The following ADGRL3 variants were observed in gnomAD, a reference collection of about 807,000 sequenced individuals.
ADGRL3 encodes the protein adhesion G protein-coupled receptor L3.
In ADGRL3, 62 loss-of-function variants were observed where a neutral mutation model predicts 153.5. The observed-to-expected ratio is 0.40, with a 90% confidence interval of 0.33 to 0.50. The LOEUF is 0.50. ADGRL3 is among the 20% of genes least tolerant of loss of function. The probability of loss-of-function intolerance (pLI) is 0.47; values close to 1 mark genes in which losing one functional copy is unlikely to be tolerated. For synonymous variants in ADGRL3, 710 were observed against 672.5 expected, an observed-to-expected ratio of 1.06 and a Z score of -0.86; for missense variants, 1,641 against 1,859.4, an observed-to-expected ratio of 0.88 and a Z score of 2.16.
chr4:61,631,709 T>A (rs572227757), intron 5 of ADGRL3, among the ~76,000 whole-genome samples: 7 of 152,344 alleles, frequency 4.6e-5, no homozygotes, highest in Admixed American at 4.6e-4. Flanking sequence ...AAAATGAGTT[T>A]AATTAAAATC....
intron 6 of ADGRL3, among the ~76,000 whole-genome samples, chr4:61,698,807 G>A (rs1300836410): frequency 6.6e-6 from 1 of 152,104 alleles, no homozygotes; most frequent in Non-Finnish European, 1.5e-5. Flanking sequence ...TAGGCTTCCC[G>A]AAAATCCACT....
At chr4:61,935,604 A>G (rs2098835164) in intron 14 of ADGRL3, among the ~76,000 whole-genome samples, 1 of 152,252 alleles carries the variant, frequency 6.6e-6, no homozygotes, top group Admixed American at 6.5e-5. Context: ...TAGATTATCA[A>G]AGGATTTTTA....
At chr4:61,491,983 G>A (rs900657947) in intron 2 of ADGRL3, among the ~76,000 whole-genome samples, 7 of 151,428 alleles carry the variant, frequency 4.6e-5, no homozygotes, top group Non-Finnish European at 4.4e-5. Context: ...TAAGTTGTAA[G>A]GTCATAGCTA....
At chr4:61,358,955 T>TA (rs2096240059) in intron 1 of ADGRL3, among the ~76,000 whole-genome samples, 2 of 152,196 alleles carry the variant, frequency 1.3e-5, no homozygotes, top group Non-Finnish European at 2.9e-5. Flanking sequence ...CCCATCCAAC[T>TA]AATATGTCCA....
intron 1 of ADGRL3, among the ~76,000 whole-genome samples, chr4:61,379,120 T>C (rs889874883): frequency 3.9e-5 from 6 of 152,008 alleles, no homozygotes; most frequent in Admixed American, 1.3e-4. Context: ...CACAAGATGA[T>C]GCTTATCAAT....
intron 8 of ADGRL3, among the ~76,000 whole-genome samples, chr4:61,758,580 T>C (rs138892356): frequency 0.087 from 13,247 of 152,196 alleles, 1,228 homozygotes; most frequent in African/African-American, 0.23. Flanking sequence ...TGTCTCTGCA[T>C]AAGAGATGGG....
chr4:62,037,112 T>C (rs1725456603), intron 23 of ADGRL3, among the ~76,000 whole-genome samples: 1 of 152,174 alleles, frequency 6.6e-6, no homozygotes. Context: ...ATCTTTTGAA[T>C]TTTTGTTCTC....
chr4:61,389,499 C>G (rs1370103730), intron 2 of ADGRL3, among the ~76,000 whole-genome samples: 1 of 152,038 alleles, frequency 6.6e-6, no homozygotes, highest in African/African-American at 2.4e-5. Context: ...ATATCCAGAG[C>G]CAGATGTTAA....
At chr4:61,878,457 G>T (rs1253573186) in intron 9 of ADGRL3, among the ~76,000 whole-genome samples, 1 of 152,182 alleles carries the variant, frequency 6.6e-6, no homozygotes, top group Non-Finnish European at 1.5e-5. Flanking sequence ...GTCATTGAGG[G>T]AAGCTGGACT....
At chr4:61,453,668 T>C (rs1307519025) in intron 2 of ADGRL3, among the ~76,000 whole-genome samples, 1 of 152,286 alleles carries the variant, frequency 6.6e-6, no homozygotes, top group East Asian at 1.9e-4. Flanking sequence ...ATTTATACTT[T>C]ATAAATCCAT....
At chr4:61,326,099 T>C (rs956231442) in intron 1 of ADGRL3, among the ~76,000 whole-genome samples, 16 of 152,116 alleles carry the variant, frequency 1.1e-4, no homozygotes, top group Non-Finnish European at 1.0e-4. Flanking sequence ...ATCTGACCTC[T>C]TGGATTTTAT....
chr4:61,507,605 A>C (rs1323403195), intron 3 of ADGRL3, among the ~76,000 whole-genome samples: 1 of 152,200 alleles, frequency 6.6e-6, no homozygotes, highest in Non-Finnish European at 1.5e-5. Flanking sequence ...CTTGAATTGT[A>C]CTTCTATAAT....
chr4:61,524,076 A>T (rs2098546232), intron 4 of ADGRL3, among the ~76,000 whole-genome samples: 1 of 152,122 alleles, frequency 6.6e-6, no homozygotes, highest in African/African-American at 2.4e-5. Flanking sequence ...TTATACAATG[A>T]CAGATACTTC....
intron 9 of ADGRL3, among the ~76,000 whole-genome samples, chr4:61,862,416 CA>C (rs1404909882): frequency 1.2e-4 from 18 of 152,200 alleles, no homozygotes; most frequent in African/African-American, 4.3e-4. Context: ...CGGCATGGCC[CA>C]CTTTTTAACT....
chr4:61,976,890 T>C (rs930938820), intron 17 of ADGRL3, among the ~76,000 whole-genome samples: 10 of 152,312 alleles, frequency 6.6e-5, no homozygotes, highest in African/African-American at 2.4e-4. Context: ...TTCCCATTCA[T>C]GTTACTGGTA....
chr4:62,031,966 C>T (rs1481821926), intron 23 of ADGRL3, among the ~76,000 whole-genome samples: 1 of 131,618 alleles, frequency 7.6e-6, no homozygotes, highest in Non-Finnish European at 1.8e-5. Flanking sequence ...TACACACACA[C>T]ACACACACAC....
intron 8 of ADGRL3, among the ~76,000 whole-genome samples, chr4:61,783,794 A>G (rs2097244024): frequency 6.6e-6 from 1 of 152,074 alleles, no homozygotes; most frequent in Non-Finnish European, 1.5e-5. Flanking sequence ...TAAACAAAAT[A>G]ATATACATCT....
chr4:61,885,200 G>A (rs893932118), intron 9 of ADGRL3, among the ~76,000 whole-genome samples: 3 of 151,862 alleles, frequency 2.0e-5, no homozygotes, highest in African/African-American at 7.2e-5. Flanking sequence ...CGCTTGGCGC[G>A]CGCCTGTAAT....
At chr4:61,617,713 C>G (rs1427110908) in intron 5 of ADGRL3, among the ~76,000 whole-genome samples, 2 of 152,200 alleles carry the variant, frequency 1.3e-5, no homozygotes, top group African/African-American at 4.8e-5. Flanking sequence ...CACAGTAGCT[C>G]TAGTTTTTGT....
Sources: gnomAD v4.1 joint callset for allele counts (sites outside exome capture counted in the v4.1 genomes callset) on GRCh38, gnomAD v4.1.1 for gene constraint, MANE v1.5 for transcripts, NCBI Gene and HGNC (gene_info 2026-07-23, HGNC 2026-07-21) for gene names.